The following DAZAP1 variants were observed in gnomAD, a reference collection of about 807,000 sequenced individuals.
DAZAP1 encodes DAZ associated protein 1.
Under a neutral mutation model 60.1 loss-of-function variants are expected in DAZAP1, and 6 were observed. The ratio of observed to expected loss-of-function variants is 0.10; its 90% CI spans 0.05 to 0.20. DAZAP1 has a LOEUF of 0.20. Ranked by LOEUF, DAZAP1 falls within the 10% of genes least tolerant of loss-of-function variation. The pLI, the probability that DAZAP1 is intolerant of heterozygous loss-of-function variation, is 1.00. For synonymous variants in DAZAP1, 235 were observed against 215.9 expected (o/e 1.09, Z -0.78); for missense variants, 366 against 560.4 (o/e 0.65, Z 3.50).
intron 1 of DAZAP1, among the ~76,000 whole-genome samples, chr19:1,413,647 C>T (rs2082889664): frequency 6.6e-6 from 1 of 152,234 alleles, no homozygotes; most frequent in Admixed American, 6.5e-5. Context: ...AACAGAAACA[C>T]ACAGTGTGGC....
At chr19:1,430,469 G>A (rs2083419352) in intron 10 of DAZAP1, 107 bp downstream of exon 10, 1 of 1,095,716 alleles carries the variant, frequency 9.1e-7, no homozygotes, top group Non-Finnish European at 1.2e-6. Flanking sequence ...CTCAGCCACA[G>A]GTGGGGTGCC....
chr19:1,418,124 T>G lies in DAZAP1; in HGVS notation c.71-80T>G. 1 of 1,456,592 alleles carries G rather than the reference T, an allele frequency of 6.9e-7. No homozygotes were observed. The highest frequency in any genetic ancestry group is 9.5e-7 in the Non-Finnish European group (1 of 1,049,062). 90.2% of individuals were successfully genotyped at this position (1,456,592 alleles called of 1,614,324 possible). On this transcript the variant is annotated intron_variant, in intron 2 of 11. Transcript: ENST00000233078. The surrounding 1 kb of genome is among the most constrained non-coding windows in gnomAD (Gnocchi z 5.7). ...GCGTGGCTGGTGGACTGGAGGAGTG[T>G]GCGTGCCGGCAGCACTGCCAGGCAC...
intron 1 of DAZAP1, among the ~76,000 whole-genome samples, chr19:1,414,864 C>A (rs1385164679): frequency 1.3e-5 from 2 of 150,892 alleles, no homozygotes; most frequent in African/African-American, 2.4e-5. Flanking sequence ...ATCTCTGTCA[C>A]CCCTGCTGGA....
At chr19:1,430,600 A>G (rs983713367) in intron 10 of DAZAP1, among the ~76,000 whole-genome samples, 4 of 152,344 alleles carry the variant, frequency 2.6e-5, no homozygotes, top group Non-Finnish European at 5.9e-5. Flanking sequence ...AGCTCATAGC[A>G]GGAATGTCTG....
Position 1,416,430 on chromosome 19 carries a change from T to C in DAZAP1, c.30-1070T>C, listed in dbSNP as rs2082987492. 2 of 152,182 alleles carry C rather than the reference T, an allele frequency of 1.3e-5. No homozygotes were observed. Among genetic ancestry groups the C allele is most frequent in the Admixed American group, 1.3e-4 (2 of 15,274 alleles). The allele number at this position is 152,182 out of a possible 1,614,324, so 9.4% of individuals were successfully genotyped here. On this transcript the variant is annotated intron_variant, in intron 1 of 11. Coordinates refer to ENST00000233078, the MANE Select transcript of DAZAP1 (RefSeq NM_018959.4). This position sits in a 1 kb window ranked among gnomAD's most constrained non-coding sequence, Gnocchi z 4.3. ...GCTGAGATTCAGCTCAGGGACTTCA[T>C]TTCTGAATGCGTGTCCTCTTTCCCA...
intron 1 of DAZAP1, among the ~76,000 whole-genome samples, chr19:1,415,353 ATGTGTGTGTGTG>A (rs61360796): frequency 5.1e-4 from 56 of 109,408 alleles, no homozygotes; most frequent in African/African-American, 7.6e-4. Flanking sequence ...TCAGGGTTTT[ATGTGTGTGTGTG>A]TGTGTGTGTG....
chr19:1,416,269 GA>G lies in DAZAP1; in HGVS notation c.30-1230del, dbSNP rs1307349034. 4 of 152,272 alleles carry G rather than the reference GA, an allele frequency of 2.6e-5. No homozygotes were observed. The East Asian group carries it at 7.7e-4, about 29-fold the overall frequency. The allele number at this position is 152,272 out of a possible 1,614,324, so 9.4% of individuals were successfully genotyped here. On this transcript the variant is annotated intron_variant, in intron 1 of 11. Transcript: ENST00000233078. This position sits in a 1 kb window ranked among gnomAD's most constrained non-coding sequence, Gnocchi z 4.3. ...AAGGGTGGTGTGGTTGGCCGTCAGGGATACAGGGCCCCGCGTGGGAATGGTG... is the reference window on the plus strand; with the variant it reads ...AAGGGTGGTGTGGTTGGCCGTCAGGGTACAGGGCCCCGCGTGGGAATGGTG...
chr19:1,422,525 C>CA lies in DAZAP1; in HGVS notation c.463+132dup. ...GCCTCAGGAAGGGACGATTTGGAGA[C>CA]AAATGACTAAAACGTGGGCTCCTCA... On this transcript the variant is annotated intron_variant, in intron 6 of 11. Coordinates refer to ENST00000233078, the MANE Select transcript of DAZAP1 (RefSeq NM_018959.4). The surrounding 1 kb of genome is among the most constrained non-coding windows in gnomAD (Gnocchi z 4.5). The CA allele has an allele frequency of 1.3e-6, 1 of 795,500 alleles. No homozygotes were observed. Among genetic ancestry groups the CA allele is most frequent in the Non-Finnish European group, 2.1e-6 (1 of 486,252 alleles). The allele number at this position is 795,500 out of a possible 1,614,324, so 49.3% of individuals were successfully genotyped here. A position where few individuals can be genotyped will look rare whatever the true frequency, so the allele number is the denominator to read the frequency against.
In DAZAP1 at chr19:1,417,435, TTGGA is replaced by T. The variant is rs2083019138; in HGVS notation, c.30-61_30-58del. The T allele has an allele frequency of 2.6e-6, 4 of 1,547,134 alleles. No individual in the cohort carries two copies. The Admixed American group carries it at 7.8e-5, about 30-fold the overall frequency. The stretch of plus-strand genomic sequence containing the variant: ...GTTTGAATTAAGACCTCAGCTTGGC[TTGGA>T]TGGGGGCATTTCTAAGGCGAGCGCT... On this transcript the variant is annotated intron_variant, in intron 1 of 11. Coordinates refer to ENST00000233078, the MANE Select transcript of DAZAP1 (RefSeq NM_018959.4).
rs964069154 is a variant in DAZAP1, at chr19:1,416,759, TC to T, written c.30-739del. ...TCGATGGCGGACGCCTTGGGAGAGC[TC>T]CAGCTCTTCTGCCCGGAGGAGACAG... On this transcript the variant is annotated intron_variant, in intron 1 of 11. Coordinates refer to ENST00000233078, the MANE Select transcript of DAZAP1 (RefSeq NM_018959.4). This position sits in a 1 kb window ranked among gnomAD's most constrained non-coding sequence, Gnocchi z 4.3. 6.6e-6 allele frequency: 1 copy of T among 152,434 alleles called. No individual in the cohort carries two copies. The highest frequency in any genetic ancestry group is 1.5e-5 in the Non-Finnish European group (1 of 68,246). 9.4% of individuals were successfully genotyped at this position (152,434 alleles called of 1,614,324 possible).
Position 1,430,270 on chromosome 19 carries a change from C to CCCCCCG in DAZAP1, c.779_780insCCCCCG (p.Pro261_Phe262insArgPro). 1 of 1,368,644 alleles carries CCCCCCG rather than the reference C, an allele frequency of 7.3e-7. No homozygotes were observed. Among genetic ancestry groups the CCCCCCG allele is most frequent in the African/African-American group, 1.4e-5 (1 of 69,660 alleles). The allele number at this position is 1,368,644 out of a possible 1,614,324, so 84.8% of individuals were successfully genotyped here. On this transcript the variant is annotated inframe_insertion, in exon 10 of 12. Coordinates refer to ENST00000233078, the MANE Select transcript of DAZAP1 (RefSeq NM_018959.4). ...GGAAGAGGAGCCCCCCCGCCACCCC[C>CCCCCCG]ACCGTTCACCTCCTACATCGTGTCC...
intron 1 of DAZAP1, among the ~76,000 whole-genome samples, chr19:1,412,151 G>A (rs1166417694): frequency 6.6e-6 from 1 of 152,166 alleles, no homozygotes; most frequent in Non-Finnish European, 1.5e-5. Context: ...ACAGCAGCGC[G>A]TTCCAGTTCA....
Position 1,428,575 on chromosome 19 carries a change from G to A in DAZAP1, c.547-267G>A, listed in dbSNP as rs2083361825. ...CGAAACCCCCGAGGGCTCTGGGCTC[G>A]GTCCTGCTGCCCCGCAGTGGGCGGG... On this transcript the variant is annotated intron_variant, in intron 7 of 11. Transcript: ENST00000233078. This position sits in a 1 kb window ranked among gnomAD's most constrained non-coding sequence, Gnocchi z 4.0. The A allele has an allele frequency of 5.0e-6, 2 of 398,204 alleles. No homozygotes were observed. The highest frequency in any genetic ancestry group is 9.0e-6 in the Non-Finnish European group (2 of 222,594). The allele number at this position is 398,204 out of a possible 1,614,324, so 24.7% of individuals were successfully genotyped here.
rs202099734 is a variant in DAZAP1, at chr19:1,428,806, G to A, written c.547-36G>A. The A allele has an allele frequency of 9.7e-5, 157 of 1,611,206 alleles. No homozygotes were observed. In the East Asian group the frequency reaches 3.3e-3, roughly 34 times the overall value. ...TAAAGGGAAGGGGGTGCTGGGACCC[G>A]CAGCCTCGCCCTAAACCAGAGCTCG... On this transcript the variant is annotated intron_variant, in intron 7 of 11. Coordinates refer to ENST00000233078, the MANE Select transcript of DAZAP1 (RefSeq NM_018959.4). The surrounding 1 kb of genome is among the most constrained non-coding windows in gnomAD (Gnocchi z 4.0).
rs564942199 is a variant in DAZAP1 at position 1,433,588 on chromosome 19, G to T, written c.1048+898G>T. The T allele has an allele frequency of 1.6e-6, 1 of 630,720 alleles. No homozygotes were observed. The highest frequency in any genetic ancestry group is 2.8e-6 in the Non-Finnish European group (1 of 358,270). The allele number at this position is 630,720 out of a possible 1,614,324, so 39.1% of individuals were successfully genotyped here. ...AGGCCTTGGGCCGAGGTTGCCGCATGTGTGGGTTCTTGACCCACTCACCAC... is the reference window on the plus strand; with the variant it reads ...AGGCCTTGGGCCGAGGTTGCCGCATTTGTGGGTTCTTGACCCACTCACCAC... On this transcript the variant is annotated intron_variant, in intron 11 of 11. Transcript: ENST00000233078. This position sits in a 1 kb window ranked among gnomAD's most constrained non-coding sequence, Gnocchi z 6.1.
rs1275025482 is a variant in DAZAP1 at position 1,425,069 on chromosome 19, C to T, written c.464-809C>T. On this transcript the variant is annotated intron_variant, in intron 6 of 11. Transcript: ENST00000233078. This position sits in a 1 kb window ranked among gnomAD's most constrained non-coding sequence, Gnocchi z 5.4. ...TGCCTTTAAAATTTTCTGTTTTGAT[C>T]CCATGGTGCATCTCGCTCTTGCTGC... Among the ~76,000 whole-genome samples the T allele has an allele frequency of 1.3e-5, 2 of 152,194 alleles. No homozygotes were observed. Among genetic ancestry groups the T allele is most frequent in the South Asian group, 2.1e-4 (1 of 4,828 alleles).
In DAZAP1 at chr19:1,434,462, G is replaced by A; in HGVS notation, c.1049-275G>A. ...CTCACCCCCCCAACCACGTCTTCGGGATTGAACAGGGAAGCGGTGAGGTTA... is the reference window on the plus strand; with the variant it reads ...CTCACCCCCCCAACCACGTCTTCGGAATTGAACAGGGAAGCGGTGAGGTTA... On this transcript the variant is annotated intron_variant, in intron 11 of 11. Coordinates refer to ENST00000233078, the MANE Select transcript of DAZAP1 (RefSeq NM_018959.4). This position sits in a 1 kb window ranked among gnomAD's most constrained non-coding sequence, Gnocchi z 8.0. 1 of 403,338 alleles carries A rather than the reference G, an allele frequency of 2.5e-6. No individual in the cohort carries two copies. The highest frequency in any genetic ancestry group is 3.5e-5 in the South Asian group (1 of 28,974). 25.0% of individuals were successfully genotyped at this position (403,338 alleles called of 1,614,324 possible). A position where few individuals can be genotyped will look rare whatever the true frequency, so the allele number is the denominator to read the frequency against.
chr19:1,418,053 C>G lies in DAZAP1; in HGVS notation c.71-151C>G, dbSNP rs2083038914. ...CAAGTGTGTGTTGGGCAGAATTCCC[C>G]AGCGCTTCCCGTACACCCCCCACCC... On this transcript the variant is annotated intron_variant, in intron 2 of 11. Coordinates refer to ENST00000233078, the MANE Select transcript of DAZAP1 (RefSeq NM_018959.4). The surrounding 1 kb of genome is among the most constrained non-coding windows in gnomAD (Gnocchi z 5.7). The G allele has an allele frequency of 1.4e-6, 1 of 727,734 alleles. No homozygotes were observed. Among genetic ancestry groups the G allele is most frequent in the African/African-American group, 1.8e-5 (1 of 56,300 alleles). The allele number at this position is 727,734 out of a possible 1,614,324, so 45.1% of individuals were successfully genotyped here.
At chr19:1,410,951 G>T (rs916034933) in intron 1 of DAZAP1, among the ~76,000 whole-genome samples, 1 of 152,246 alleles carries the variant, frequency 6.6e-6, no homozygotes, top group Non-Finnish European at 1.5e-5. Context: ...GTGGCCGGGG[G>T]CCATGCAGCT....
Sources: gnomAD v4.1 joint callset for allele counts (sites outside exome capture counted in the v4.1 genomes callset) on GRCh38, gnomAD v4.1.1 for gene constraint, Gnocchi (gnomAD v3.1) non-coding constraint, MANE v1.5 for transcripts, NCBI Gene and HGNC (gene_info 2026-07-23, HGNC 2026-07-21) for gene names.